Variants in SENP7 observed in about 807,000 individuals in gnomAD.
SENP7 encodes SUMO specific peptidase 7, also known as sentrin-specific protease 7.
SENP7 carries 64 observed loss-of-function variants against 141.2 expected under a neutral mutation model. The observed-to-expected ratio is 0.45, with a 90% CI of 0.37 to 0.56. The LOEUF (loss-of-function observed/expected upper bound fraction) is 0.56. Among genes scored for constraint, SENP7 ranks in the 20% least tolerant of loss-of-function variants. The pLI is 0.00. For missense variants in SENP7, 1,025 were observed against 1,212.2 expected, an observed-to-expected ratio of 0.85 and a Z score of 2.29; for synonymous variants, 382 against 426.4, an observed-to-expected ratio of 0.90 and a Z score of 1.28.
intron 6 of SENP7, among the ~76,000 whole-genome samples, chr3:101,393,016 A>C (rs2060859480): frequency 1.3e-5 from 2 of 152,192 alleles, no homozygotes; most frequent in South Asian, 4.1e-4. Flanking sequence ...AATGGAACAG[A>C]ATAGAAAACC....
At chr3:101,379,792 T>C (rs546472853) in intron 6 of SENP7, among the ~76,000 whole-genome samples, 5 of 152,272 alleles carry the variant, frequency 3.3e-5, no homozygotes, top group African/African-American at 1.2e-4. Flanking sequence ...TAAAAATAGA[T>C]TGCCATATGA....
At chr3:101,431,636 T>C (rs1292368373) in intron 4 of SENP7, among the ~76,000 whole-genome samples, 1 of 151,056 alleles carries the variant, frequency 6.6e-6, no homozygotes, top group Non-Finnish European at 1.5e-5. Context: ...ATACAAAAAT[T>C]AGCTGGGTGT....
chr3:101,467,393 G>A (rs1263361628), intron 3 of SENP7, among the ~76,000 whole-genome samples: 1 of 152,242 alleles, frequency 6.6e-6, no homozygotes, highest in Non-Finnish European at 1.5e-5. Context: ...GTGGGTCAAT[G>A]ACCCCAGTGT....
chr3:101,434,125 G>A (rs1559818822), intron 4 of SENP7, among the ~76,000 whole-genome samples: 1 of 151,856 alleles, frequency 6.6e-6, no homozygotes, highest in Admixed American at 6.6e-5. Context: ...AATAACAAGA[G>A]GAATTTTAGA....
chr3:101,505,790 G>A (rs981690601), intron 1 of SENP7, among the ~76,000 whole-genome samples: 5 of 152,082 alleles, frequency 3.3e-5, no homozygotes, highest in African/African-American at 1.2e-4. Context: ...TAATCGTTCA[G>A]ATTAAAGCAT....
In SENP7 at chr3:101,367,996, C is replaced by T; in HGVS notation, c.812G>A (p.Ser271Asn). ...CTGTTCGAGATGATCACAACCTCTA[C>T]TTCCACTGTTAAGGTCTTAAAAAAC... is the stretch of plus-strand genomic sequence containing the variant. Reference protein sequence around the residue: ...DTQPEDLNSGSRGCDHLEQES... With the variant: ...DTQPEDLNSGNRGCDHLEQES... Residue 271 changes from serine to asparagine, a missense_variant, in exon 8 of 24, where the codon AGT (serine) becomes AAT (asparagine). Physicochemically the swap from Ser to Asn is conservative, Grantham distance 46. Coordinates refer to ENST00000394095, the MANE Select transcript of SENP7 (RefSeq NM_020654.5). The T allele has an allele frequency of 6.2e-7, 1 of 1,610,614 alleles. No individual in the cohort carries two copies.
chr3:101,443,019 C>G (rs6806203), intron 4 of SENP7, among the ~76,000 whole-genome samples: 1 of 151,970 alleles, frequency 6.6e-6, no homozygotes, highest in Non-Finnish European at 1.5e-5. Flanking sequence ...CACGAAGTCC[C>G]TGCCCATGCC....
At chr3:101,440,661 C>T (rs1225224271) in intron 4 of SENP7, among the ~76,000 whole-genome samples, 1 of 150,790 alleles carries the variant, frequency 6.6e-6, no homozygotes, top group Non-Finnish European at 1.5e-5. Flanking sequence ...AGTTTTCCAA[C>T]TCATTCTATA....
At chr3:101,424,284 C>T (rs61379928) in intron 4 of SENP7, among the ~76,000 whole-genome samples, 20,820 of 151,624 alleles carry the variant, frequency 0.14, 2,224 homozygotes, top group African/African-American at 0.3. Context: ...CCTCCACACA[C>T]CGCAGCTTCC....
intron 13 of SENP7, 195 bp downstream of exon 13, chr3:101,347,677 G>A (rs2059500992): frequency 3.2e-6 from 1 of 311,266 alleles, no homozygotes. Flanking sequence ...AGCAGAGATA[G>A]TGCCACTGCA....
chr3:101,337,625 A>C lies in SENP7; in HGVS notation c.2364T>G (p.Leu788=). 1.9e-6 allele frequency: 3 copies of C among 1,597,778 alleles called. No homozygotes were observed. Among genetic ancestry groups the C allele is most frequent in the Non-Finnish European group, 2.6e-6 (3 of 1,173,896 alleles). The change falls in exon 17 of 24, where the codon CTT becomes CTG. Residue 788 remains leucine (L), a synonymous_variant. Transcript: ENST00000394095. Reference sequence around the variant, plus strand: ...GTTCATCTGATGCCTTCTCCAATATAAGATACCTGTAAAGTAGTAACCCCA... The same window carrying C: ...GTTCATCTGATGCCTTCTCCAATATCAGATACCTGTAAAGTAGTAACCCCA... ...DVIIDFYLKY[L]ILEKASDELV...
intron 4 of SENP7, among the ~76,000 whole-genome samples, chr3:101,424,700 G>A (rs2061900004): frequency 6.6e-6 from 1 of 152,046 alleles, no homozygotes; most frequent in Non-Finnish European, 1.5e-5. Flanking sequence ...GTCACCAGCA[G>A]GGACTCCTGC....
intron 4 of SENP7, among the ~76,000 whole-genome samples, chr3:101,436,863 C>T (rs770150675): frequency 3.9e-5 from 6 of 152,126 alleles, no homozygotes; most frequent in Non-Finnish European, 8.8e-5. Context: ...ATGGAAAACA[C>T]GTTGGAGGTT....
At chr3:101,341,867 G>T in intron 14 of SENP7, 88 bp from the exon 15 acceptor site, 1 of 1,346,538 alleles carries the variant, frequency 7.4e-7, no homozygotes, top group African/African-American at 1.5e-5. Flanking sequence ...GAGAAAATGT[G>T]ACTTTAAAAA....
chr3:101,385,128 AT>A (rs1452950686), intron 6 of SENP7, among the ~76,000 whole-genome samples: 1 of 152,196 alleles, frequency 6.6e-6, no homozygotes, highest in Non-Finnish European at 1.5e-5. Flanking sequence ...ACTAGAATAA[AT>A]ATATGGAGAT....
chr3:101,429,674 C>A (rs763738738), intron 4 of SENP7, among the ~76,000 whole-genome samples: 1 of 152,078 alleles, frequency 6.6e-6, no homozygotes, highest in South Asian at 2.1e-4. Context: ...ATCTGAACAC[C>A]CTTTATTTCT....
At chr3:101,449,473 G>C (rs1005642668) in intron 4 of SENP7, among the ~76,000 whole-genome samples, 5 of 152,200 alleles carry the variant, frequency 3.3e-5, no homozygotes, top group Non-Finnish European at 7.3e-5. Context: ...CAGAGAGGAA[G>C]GTCGGGTTAC....
At chr3:101,365,249 T>C (rs112730316) in intron 9 of SENP7, among the ~76,000 whole-genome samples, 60,182 of 151,394 alleles carry the variant, frequency 0.4, 12,452 homozygotes, top group Admixed American at 0.54. Context: ...GTGATCCTCC[T>C]GCCTTGGCCT....
chr3:101,394,821 GTCTT>G (rs2060922431), intron 6 of SENP7, among the ~76,000 whole-genome samples: 1 of 151,828 alleles, frequency 6.6e-6, no homozygotes, highest in Non-Finnish European at 1.5e-5. Context: ...GCTATTCTTT[GTCTT>G]TCTAACCGCC....
Sources: allele counts gnomAD v4.1 joint callset (sites outside exome capture counted in the v4.1 genomes callset), GRCh38; gene constraint gnomAD v4.1.1; transcripts MANE v1.5; gene names NCBI Gene and HGNC (gene_info 2026-07-23, HGNC 2026-07-21).